The following CCDC146 variants were observed in gnomAD, a reference collection of about 807,000 sequenced individuals.
CCDC146 encodes coiled-coil domain containing 146.
CCDC146 carries 92 observed loss-of-function variants against 119.3 expected under a neutral mutation model. The ratio of observed to expected loss-of-function variants is 0.77; its 90% CI spans 0.65 to 0.92. The LOEUF (loss-of-function observed/expected upper bound fraction) is 0.92. Ranked by LOEUF, CCDC146 falls within the 40% of genes least tolerant of loss-of-function variation. The pLI is 0.00. For synonymous variants in CCDC146, 372 were observed against 371.8 expected (o/e 1.00, Z -0.01); for missense variants, 1,000 against 1,103.0 (o/e 0.91, Z 1.32).
Position 77,287,495 on chromosome 7 carries a change from A to G in CCDC146, c.2333A>G (p.Tyr778Cys), listed in dbSNP as rs1348323912. Residue 778 changes from tyrosine to cysteine, a missense_variant, in exon 17 of 19, where the codon TAT becomes TGT. By Grantham distance (194) the Tyr-to-Cys change is radical. Around this residue, in one of 2 missense-constraint regions of CCDC146, gnomAD observed 985 missense variants for 1,045.3 expected, o/e 0.94. Transcript: ENST00000285871. ...AAGCTGCTGGAGAAGGATTTCATCT[A>G]TGAGCAGGTCTCCAGGCTCACAGAC... Reference protein sequence around the residue: ...EEKLLEKDFIYEQVSRLTDRL... With the variant: ...EEKLLEKDFICEQVSRLTDRL... 1 of 1,614,030 alleles carries G rather than the reference A, an allele frequency of 6.2e-7. No individual in the cohort carries two copies. The highest frequency in any genetic ancestry group is 8.5e-7 in the Non-Finnish European group (1 of 1,179,906).
chr7:77,245,257 T>A (rs982603686), intron 4 of CCDC146, among the ~76,000 whole-genome samples: 8 of 152,318 alleles, frequency 5.3e-5, no homozygotes, highest in Admixed American at 3.3e-4. Context: ...AATTAATACA[T>A]TGTAAATCCA....
At chr7:77,225,924 C>T (rs1343190789) in intron 2 of CCDC146, among the ~76,000 whole-genome samples, 1 of 136,946 alleles carries the variant, frequency 7.3e-6, no homozygotes, top group Admixed American at 7.6e-5. Context: ...GCCTAGGCAA[C>T]AAGAGCGAAA....
intron 11 of CCDC146, among the ~76,000 whole-genome samples, chr7:77,276,649 T>C (rs760265205): frequency 1.3e-5 from 2 of 152,096 alleles, no homozygotes; most frequent in Non-Finnish European, 2.9e-5. Context: ...CATGGAGTAG[T>C]TGGGTTTCAC....
chr7:77,196,703 A>G lies in CCDC146; in HGVS notation c.156+28879A>G. 1.2e-6 allele frequency: 2 copies of G among 1,614,194 alleles called. No individual in the cohort carries two copies. The highest frequency in any genetic ancestry group is 2.2e-5 in the South Asian group (2 of 91,078). On this transcript the variant is annotated intron_variant, in intron 2 of 18. Coordinates refer to ENST00000285871, the MANE Select transcript of CCDC146 (RefSeq NM_020879.3). This position sits in a 1 kb window ranked among gnomAD's most constrained non-coding sequence, Gnocchi z 4.2. The stretch of plus-strand genomic sequence containing the variant: ...AAAGTCTTCAAGATCTATTCTCAGA[A>G]TCATTTCCTTACTCTTGGTCAGAAG...
intron 4 of CCDC146, among the ~76,000 whole-genome samples, chr7:77,252,416 T>C (rs1376200221): frequency 6.6e-6 from 1 of 151,868 alleles, no homozygotes; most frequent in African/African-American, 2.4e-5. Flanking sequence ...GAAGAAAAAA[T>C]CTTGAAAGAA....
rs3108417 is a variant in CCDC146, at chr7:77,248,167, C to G, written c.449+6267C>G. Among the ~76,000 whole-genome samples, 6 of 151,984 alleles carry G rather than the reference C, an allele frequency of 3.9e-5. 1 individual carries two copies. Among genetic ancestry groups the G allele is most frequent in the Non-Finnish European group, 4.4e-5 (3 of 67,992 alleles). ...AGGCCGTTATCTTAAGTGAAAAAAA[C>G]TCACAAACAGAAAGCCAAATACCAC... On this transcript the variant is annotated intron_variant, in intron 4 of 18. Coordinates refer to ENST00000285871, the MANE Select transcript of CCDC146 (RefSeq NM_020879.3).
At chr7:77,226,133 A>G (rs1248527483) in intron 2 of CCDC146, among the ~76,000 whole-genome samples, 1 of 152,218 alleles carries the variant, frequency 6.6e-6, no homozygotes. Flanking sequence ...CTATGGGAAA[A>G]GTCAAAGGAA....
chr7:77,152,207 T>C (rs1339773336), intron 1 of CCDC146, among the ~76,000 whole-genome samples: 3 of 152,222 alleles, frequency 2.0e-5, no homozygotes, highest in African/African-American at 4.8e-5. Flanking sequence ...CTCTTTGTTC[T>C]CCAAATCAGA....
intron 2 of CCDC146, among the ~76,000 whole-genome samples, chr7:77,207,971 G>C (rs975221439): frequency 4.6e-5 from 7 of 152,142 alleles, no homozygotes; most frequent in African/African-American, 1.7e-4. Flanking sequence ...ATTGGACTAG[G>C]CTGTATACTA....
intron 3 of CCDC146, 22 bp from the exon 4 acceptor site, chr7:77,241,667 GTC>G (rs1271473744): frequency 1.2e-6 from 2 of 1,608,272 alleles, no homozygotes; most frequent in Non-Finnish European, 1.7e-6. Flanking sequence ...CATTATGTGA[GTC>G]TCTGTTTTTC....
rs920873498 is a variant in CCDC146, at chr7:77,262,174, A to G, written c.1040A>G (p.His347Arg). 1.9e-6 allele frequency: 3 copies of G among 1,613,864 alleles called. No homozygotes were observed. The highest frequency in any genetic ancestry group is 1.7e-4 in the Middle Eastern group (1 of 6,060). ...AGTCTCATTGACAAGCAGAACTACC[A>G]TGATGAACTTTCTCGTAAGCAAAGA... ...RNSLIDKQNY[H>R]DELSRKQREK... Residue 347 changes from histidine to arginine, a missense_variant, in exon 9 of 19, where the codon CAT becomes CGT. His to Arg is a conservative substitution (Grantham distance 29). Transcript: ENST00000285871.
intron 2 of CCDC146, among the ~76,000 whole-genome samples, chr7:77,227,344 C>T (rs112122943): frequency 2.4e-3 from 358 of 152,292 alleles, no homozygotes; most frequent in African/African-American, 8.3e-3. Context: ...CTTGCTCTGT[C>T]GCCTAGGCTG....
chr7:77,251,912 G>A (rs1387434544), intron 4 of CCDC146, among the ~76,000 whole-genome samples: 1 of 152,196 alleles, frequency 6.6e-6, no homozygotes, highest in African/African-American at 2.4e-5. Flanking sequence ...ACTTTGGGAG[G>A]CCGAGGCAGG....
At chr7:77,233,607 C>T (rs553842847) in intron 2 of CCDC146, among the ~76,000 whole-genome samples, 11 of 152,190 alleles carry the variant, frequency 7.2e-5, no homozygotes, top group African/African-American at 1.4e-4. Flanking sequence ...ACTGTTCCAC[C>T]GTAGATCATC....
intron 1 of CCDC146, among the ~76,000 whole-genome samples, chr7:77,146,838 T>C (rs1791028664): frequency 6.6e-6 from 1 of 152,188 alleles, no homozygotes; most frequent in Admixed American, 6.5e-5. Context: ...TGGCTGCCCT[T>C]AACATTTTTT....
At chr7:77,292,026 T>C (rs1775156773) in intron 17 of CCDC146, among the ~76,000 whole-genome samples, 1 of 152,182 alleles carries the variant, frequency 6.6e-6, no homozygotes, top group Admixed American at 6.5e-5. Flanking sequence ...CTGGGCACAG[T>C]GGATCATGCC....
intron 1 of CCDC146, among the ~76,000 whole-genome samples, chr7:77,126,944 G>C (rs1790697020): frequency 6.6e-6 from 1 of 152,190 alleles, no homozygotes; most frequent in Non-Finnish European, 1.5e-5. Context: ...TTCCACCCAA[G>C]AATCTGTCTG....
intron 2 of CCDC146, among the ~76,000 whole-genome samples, chr7:77,217,353 T>C (rs1792318886): frequency 6.6e-6 from 1 of 151,566 alleles, no homozygotes; most frequent in African/African-American, 2.4e-5. Context: ...CACACACATA[T>C]GTATATATAT....
chr7:77,125,701 C>T (rs10215342), intron 1 of CCDC146, among the ~76,000 whole-genome samples: 5,654 of 151,844 alleles, frequency 0.037, 355 homozygotes, highest in African/African-American at 0.13. Flanking sequence ...GAAAAGGTAA[C>T]CAAAACAAAG....
Sources: gnomAD v4.1 joint callset for allele counts (sites outside exome capture counted in the v4.1 genomes callset) on GRCh38, gnomAD v4.1.1 for gene constraint, gnomAD v4.1.1 regional missense constraint, Gnocchi (gnomAD v3.1) non-coding constraint, MANE v1.5 for transcripts, NCBI Gene and HGNC (gene_info 2026-07-23, HGNC 2026-07-21) for gene names.